ZPBP: variants seen among roughly 807,000 people sequenced by gnomAD.
ZPBP encodes the protein zona pellucida-binding protein 1.
In ZPBP, 26 loss-of-function variants were observed where a neutral mutation model predicts 44.8. The observed-to-expected ratio is 0.58, with a 90% CI of 0.43 to 0.81. The LOEUF (loss-of-function observed/expected upper bound fraction) is 0.81. Ranked by LOEUF, ZPBP falls within the 30% of genes least tolerant of loss-of-function variation. The probability of loss-of-function intolerance (pLI) is 0.00; values close to 1 mark genes in which losing one functional copy is unlikely to be tolerated. For synonymous variants in ZPBP, 174 were observed against 153.2 expected (o/e 1.14, Z -1.00); for missense variants, 409 against 434.0 (o/e 0.94, Z 0.51).
intron 7 of ZPBP, among the ~76,000 whole-genome samples, chr7:49,945,357 G>A (rs560049836): frequency 2.0e-5 from 3 of 152,066 alleles, no homozygotes; most frequent in Non-Finnish European, 4.4e-5. Flanking sequence ...TGGCTATTAG[G>A]TTCATTTGTT....
At chr7:50,077,327 T>C (rs941946199) in intron 3 of ZPBP, among the ~76,000 whole-genome samples, 1 of 150,940 alleles carries the variant, frequency 6.6e-6, no homozygotes, top group African/African-American at 2.4e-5. Context: ...TCCAGGACAC[T>C]GGTCTGGGAA....
intron 7 of ZPBP, among the ~76,000 whole-genome samples, chr7:49,972,379 A>G (rs1463843369): frequency 1.3e-5 from 2 of 152,008 alleles, no homozygotes; most frequent in African/African-American, 4.8e-5. Context: ...TATCTAATAC[A>G]TATTCAGTAA....
intron 3 of ZPBP, among the ~76,000 whole-genome samples, chr7:50,066,897 G>A (rs566654447): frequency 6.6e-6 from 1 of 152,290 alleles, no homozygotes; most frequent in Admixed American, 6.5e-5. Flanking sequence ...TCTGGGTCTT[G>A]TTGGCTAATC....
In ZPBP at chr7:49,913,214, A is replaced by G. The variant is rs74855773; in HGVS notation, n.412-11999T>C. ...AACCTTGAATTAGCCACCCTTCACAAGCAGAGTGAGGAAGCAGTTATTTTG... is the reference window on the plus strand; with the variant it reads ...AACCTTGAATTAGCCACCCTTCACAGGCAGAGTGAGGAAGCAGTTATTTTG... On this transcript the variant is annotated intron_variant and non_coding_transcript_variant, in intron 1 of 2. Transcript: ENST00000465922. 3.9e-5 allele frequency: 6 copies of G among 152,330 alleles called. No homozygotes were observed. In the East Asian group the frequency reaches 1.2e-3, roughly 29 times the overall value. 9.4% of individuals were successfully genotyped at this position (152,330 alleles called of 1,614,324 possible). A position where few individuals can be genotyped will look rare whatever the true frequency, so the allele number is the denominator to read the frequency against.
chr7:49,919,530 G>A (rs1793909323), intron 1 of ZPBP: 1 of 152,114 alleles, frequency 6.6e-6, no homozygotes, highest in Admixed American at 6.5e-5. Flanking sequence ...ATACTCTGCA[G>A]TATACCCTGG....
intron 1 of ZPBP, among the ~76,000 whole-genome samples, chr7:49,931,254 T>C (rs1794433075): frequency 6.6e-6 from 1 of 152,194 alleles, no homozygotes; most frequent in East Asian, 1.9e-4. Flanking sequence ...GCTGAAAAGA[T>C]ACCTGAAAAC....
chr7:50,068,317 T>G (rs1362303654), intron 3 of ZPBP, among the ~76,000 whole-genome samples: 1 of 152,224 alleles, frequency 6.6e-6, no homozygotes, highest in Non-Finnish European at 1.5e-5. Flanking sequence ...AAAGCCCAAC[T>G]ACTGGACACT....
intron 1 of ZPBP, among the ~76,000 whole-genome samples, chr7:49,905,279 G>C (rs10240475): frequency 0.029 from 4,369 of 152,240 alleles, 232 homozygotes; most frequent in African/African-American, 0.1. Flanking sequence ...GAGAGTACAT[G>C]ATAGCTATGG....
intron 3 of ZPBP, among the ~76,000 whole-genome samples, chr7:50,058,743 C>T (rs1562595887): frequency 6.6e-6 from 1 of 152,092 alleles, no homozygotes; most frequent in Non-Finnish European, 1.5e-5. Context: ...CACACAGTTG[C>T]AGTGCTGGGG....
Position 50,031,156 on chromosome 7 carries a change from A to T in ZPBP, c.642T>A (p.Ser214=). ...DLSCEISLLK[S]ECHRVKMQRA... ...TTTGCATTTTAACGCGATGGCATTC[A>T]GACTTAAGTAAGGAAATTTCACATG... Residue 214 remains serine (S), a synonymous_variant, in exon 5 of 8, where the codon TCT becomes TCA. Transcript: ENST00000046087. The T allele has an allele frequency of 1.2e-6, 2 of 1,613,824 alleles. No individual in the cohort carries two copies. Among genetic ancestry groups the T allele is most frequent in the South Asian group, 1.1e-5 (1 of 91,072 alleles).
At chr7:49,842,349 C>T in the ZPBP span, among the ~76,000 whole-genome samples, 2 of 152,170 alleles carry the variant, frequency 1.3e-5, no homozygotes, top group Non-Finnish European at 2.9e-5. Context: ...CTTTAACTTA[C>T]TTAAAAGTTA....
intron 6 of ZPBP, among the ~76,000 whole-genome samples, chr7:49,998,067 G>A (rs565777195): frequency 2.2e-4 from 33 of 152,124 alleles, no homozygotes; most frequent in African/African-American, 5.8e-4. Context: ...ACAGGCGCAC[G>A]CCACCACGCC....
At position 49,916,185 on chromosome 7, in the gene ZPBP, C is replaced by G. The variant is rs148500937; in HGVS notation, n.412-14970G>C. 3 of 152,136 alleles carry G rather than the reference C, an allele frequency of 2.0e-5. No individual in the cohort carries two copies. The East Asian group carries it at 5.8e-4, about 29-fold the overall frequency. The allele number at this position is 152,136 out of a possible 1,614,324, so 9.4% of individuals were successfully genotyped here. On this transcript the variant is annotated intron_variant and non_coding_transcript_variant, in intron 1 of 2. Coordinates refer to the ZPBP transcript ENST00000465922. ...GTTTTCTAAATGTAGATCTAGTTTT[C>G]AACTGAATTCTTTGAGGATCGCAAT...
chr7:49,948,363 G>T (rs1279787496), intron 7 of ZPBP, among the ~76,000 whole-genome samples: 1 of 152,096 alleles, frequency 6.6e-6, no homozygotes, highest in East Asian at 1.9e-4. Context: ...AAAAGCACAA[G>T]AAATAAAGAT....
chr7:49,870,815 T>C (rs1032440304), intron 2 of ZPBP, among the ~76,000 whole-genome samples: 1 of 152,232 alleles, frequency 6.6e-6, no homozygotes, highest in African/African-American at 2.4e-5. Context: ...ATAGACTGTG[T>C]ACCTCATTTA....
intron 3 of ZPBP, among the ~76,000 whole-genome samples, chr7:50,060,136 G>A (rs1013751617): frequency 6.6e-6 from 1 of 152,164 alleles, no homozygotes; most frequent in Non-Finnish European, 1.5e-5. Context: ...CTCTCACTAT[G>A]GAACTCTGGA....
chr7:49,979,137 T>C (rs1198862480), intron 7 of ZPBP, among the ~76,000 whole-genome samples: 1 of 152,038 alleles, frequency 6.6e-6, no homozygotes, highest in East Asian at 1.9e-4. Flanking sequence ...ATTCATGCTA[T>C]TGCTTGGATG....
chr7:49,958,883 C>G (rs1030611237), intron 7 of ZPBP, among the ~76,000 whole-genome samples: 7 of 151,858 alleles, frequency 4.6e-5, no homozygotes, highest in Non-Finnish European at 8.8e-5. Context: ...CCAGCATAAC[C>G]GTAATCCAAA....
At chr7:50,086,942 G>C (rs1802689360) in intron 2 of ZPBP, among the ~76,000 whole-genome samples, 1 of 151,986 alleles carries the variant, frequency 6.6e-6, no homozygotes, top group Non-Finnish European at 1.5e-5. Flanking sequence ...ACAGTAGCAA[G>C]AGAGAAGCAA....
Sources: allele counts gnomAD v4.1 joint callset (sites outside exome capture counted in the v4.1 genomes callset), GRCh38; gene constraint gnomAD v4.1.1; transcripts MANE v1.5; gene names NCBI Gene and HGNC (gene_info 2026-07-23, HGNC 2026-07-21).